The following KIAA1217 variants were observed in gnomAD, a reference collection of about 807,000 sequenced individuals.
KIAA1217 encodes the protein KIAA1217.
KIAA1217 carries 88 observed loss-of-function variants against 163.9 expected under a neutral mutation model. That is an observed-to-expected ratio of 0.54 (90% CI 0.45 to 0.64). The LOEUF (loss-of-function observed/expected upper bound fraction) is 0.64. KIAA1217 is among the 30% of genes least tolerant of loss of function. The pLI is 0.00. For synonymous variants in KIAA1217, 903 were observed against 923.1 expected, an observed-to-expected ratio of 0.98 and a Z score of 0.39; for missense variants, 2,372 against 2,475.0, an observed-to-expected ratio of 0.96 and a Z score of 0.88.
chr10:24,266,811 C>T (rs1246603852), intron 2 of KIAA1217, among the ~76,000 whole-genome samples: 4 of 152,308 alleles, frequency 2.6e-5, no homozygotes, highest in Non-Finnish European at 4.4e-5. Flanking sequence ...CCACCCCAGC[C>T]AGTAGTGGCA....
rs1263797691 is a variant in KIAA1217, at chr10:24,331,817, G to T, written c.355-49052G>T. 2.0e-5 allele frequency among the ~76,000 whole-genome samples: 3 copies of T among 152,160 alleles called. No individual in the cohort carries two copies. In the East Asian group the frequency reaches 5.8e-4, roughly 29 times the overall value. On this transcript the variant is annotated intron_variant, in intron 2 of 20. Transcript: ENST00000376454. ...GGAGTTGGTTTTATTTATTTATTTG[G>T]AGAGGGAGTTTTGCTCTTGTTGCCC...
At chr10:24,084,397 T>C (rs1309089856) in intron 2 of KIAA1217, among the ~76,000 whole-genome samples, 4 of 152,174 alleles carry the variant, frequency 2.6e-5, no homozygotes, top group African/African-American at 9.7e-5. Flanking sequence ...AAGAAATACT[T>C]GTTGAATTAG....
chr10:24,124,552 A>G (rs2063397937), intron 2 of KIAA1217, among the ~76,000 whole-genome samples: 1 of 152,128 alleles, frequency 6.6e-6, no homozygotes. Context: ...GACTTTAACC[A>G]TTAAGTATGG....
chr10:23,745,336 T>C (rs992098195), intron 1 of KIAA1217, among the ~76,000 whole-genome samples: 2 of 152,236 alleles, frequency 1.3e-5, no homozygotes, highest in Admixed American at 6.5e-5. Context: ...TATGACACTC[T>C]AGTTATTTCC....
chr10:24,371,717 A>G (rs1932595), intron 2 of KIAA1217, among the ~76,000 whole-genome samples: 24,500 of 152,128 alleles, frequency 0.16, 2,254 homozygotes, highest in South Asian at 0.3. Context: ...CTAGAATCCA[A>G]TCATACAGAA....
At chr10:24,136,892 T>C (rs570876230) in intron 2 of KIAA1217, among the ~76,000 whole-genome samples, 14 of 152,322 alleles carry the variant, frequency 9.2e-5, no homozygotes, top group African/African-American at 3.1e-4. Flanking sequence ...TTTAGCTGTT[T>C]ACAAAAGCAT....
At chr10:24,109,175 A>G (rs2062745840) in intron 2 of KIAA1217, among the ~76,000 whole-genome samples, 1 of 152,136 alleles carries the variant, frequency 6.6e-6, no homozygotes, top group Non-Finnish European at 1.5e-5. Context: ...CACTCCTTTC[A>G]CTAATGATCA....
chr10:23,696,784 C>T (rs1265708620), intron 1 of KIAA1217, among the ~76,000 whole-genome samples: 1 of 152,196 alleles, frequency 6.6e-6, no homozygotes, highest in Non-Finnish European at 1.5e-5. Context: ...ACGGTATCCT[C>T]CTTGAAGGCG....
At chr10:23,801,864 T>C (rs1466815327) in intron 1 of KIAA1217, among the ~76,000 whole-genome samples, 1 of 152,200 alleles carries the variant, frequency 6.6e-6, no homozygotes, top group Non-Finnish European at 1.5e-5. Context: ...GACAAAGCTT[T>C]TTGACAACGT....
intron 6 of KIAA1217, among the ~76,000 whole-genome samples, chr10:24,476,209 C>A (rs56129171): frequency 6.6e-6 from 1 of 152,200 alleles, no homozygotes; most frequent in African/African-American, 2.4e-5. Flanking sequence ...CAGAACCTAG[C>A]TCAGTGTCAT....
intron 1 of KIAA1217, among the ~76,000 whole-genome samples, chr10:23,807,087 G>A (rs1283159458): frequency 6.6e-6 from 1 of 152,238 alleles, no homozygotes; most frequent in Non-Finnish European, 1.5e-5. Flanking sequence ...TAAGCTCTGA[G>A]GATTTAATGA....
At chr10:23,750,952 C>G (rs969183385) in intron 1 of KIAA1217, among the ~76,000 whole-genome samples, 14 of 151,462 alleles carry the variant, frequency 9.2e-5, no homozygotes, top group African/African-American at 3.2e-4. Context: ...CCTTCCCTTC[C>G]CTTCCCCTCC....
At position 24,407,629 on chromosome 10, in the gene KIAA1217, T is replaced by TAAA. The variant is rs568494662; in HGVS notation, c.554-25364_554-25362dup. Among the ~76,000 whole-genome samples, 58 of 152,240 alleles carry TAAA rather than the reference T, an allele frequency of 3.8e-4. No homozygotes were observed. In the South Asian group the frequency reaches 0.011, roughly 28 times the overall value. On this transcript the variant is annotated intron_variant, in intron 3 of 20. Transcript: ENST00000376454. ...GCCAATAGCTATTCTTTCACCAAGA[T>TAAA]AAAACCAAAGGCAAAGTATCAGAAA...
At chr10:24,147,460 A>C (rs1266599025) in intron 2 of KIAA1217, among the ~76,000 whole-genome samples, 1 of 152,186 alleles carries the variant, frequency 6.6e-6, no homozygotes, top group East Asian at 1.9e-4. Flanking sequence ...TAGAGAGTAG[A>C]TTGTCCAACA....
chr10:24,527,471 G>A (rs2072371664), intron 13 of KIAA1217, among the ~76,000 whole-genome samples: 1 of 148,666 alleles, frequency 6.7e-6, no homozygotes, highest in Non-Finnish European at 1.5e-5. Context: ...AGACCAGCCT[G>A]GGCAACGTAA....
chr10:24,188,978 T>G (rs1264477806), intron 2 of KIAA1217, among the ~76,000 whole-genome samples: 2 of 151,594 alleles, frequency 1.3e-5, no homozygotes, highest in Admixed American at 6.6e-5. Flanking sequence ...TGGTGGCAGG[T>G]GCCTGTAGTC....
chr10:23,805,538 GA>G (rs747576305), intron 1 of KIAA1217, among the ~76,000 whole-genome samples: 142 of 152,214 alleles, frequency 9.3e-4, no homozygotes, highest in Non-Finnish European at 1.6e-3. Context: ...TGGAGGGTGG[GA>G]GGAGGGAGAG....
chr10:24,375,436 C>T (rs2052346518), intron 2 of KIAA1217, among the ~76,000 whole-genome samples: 1 of 152,070 alleles, frequency 6.6e-6, no homozygotes, highest in East Asian at 1.9e-4. Flanking sequence ...CTTTGGAGTA[C>T]CGTGAAGCAG....
Position 24,544,961 on chromosome 10 carries a change from C to G in KIAA1217, c.5212-20C>G. On this transcript the variant is annotated intron_variant, in intron 19 of 20. Coordinates refer to ENST00000376454, the MANE Select transcript of KIAA1217 (RefSeq NM_019590.5). ...ATGCGCTTCTCCTTCTCTTCCCCCTCTCACTGGTCCTTCCCACAGGGCTCC... is the reference window on the plus strand; with the variant it reads ...ATGCGCTTCTCCTTCTCTTCCCCCTGTCACTGGTCCTTCCCACAGGGCTCC... 4 of 1,610,538 alleles carry G rather than the reference C, an allele frequency of 2.5e-6. No homozygotes were observed. Among genetic ancestry groups the G allele is most frequent in the Non-Finnish European group, 3.4e-6 (4 of 1,178,054 alleles).
Sources: gnomAD v4.1 joint callset for allele counts (sites outside exome capture counted in the v4.1 genomes callset) on GRCh38, gnomAD v4.1.1 for gene constraint, MANE v1.5 for transcripts, NCBI Gene and HGNC (gene_info 2026-07-23, HGNC 2026-07-21) for gene names.